The following SULF2 variants were observed in gnomAD, a reference collection of about 807,000 sequenced individuals.
The protein encoded by SULF2 is extracellular sulfatase Sulf-2.
In SULF2, 52 loss-of-function variants were observed where a neutral mutation model predicts 107.7. That is an observed-to-expected ratio of 0.48 (90% CI 0.39 to 0.61). The LOEUF (loss-of-function observed/expected upper bound fraction) is 0.61, where lower values mean the gene tolerates loss of function less well. Ranked by LOEUF, SULF2 falls within the 20% of genes least tolerant of loss-of-function variation. The probability of loss-of-function intolerance (pLI) is 0.00; values close to 1 mark genes in which losing one functional copy is unlikely to be tolerated. For synonymous variants in SULF2, 460 were observed against 464.3 expected, an observed-to-expected ratio of 0.99 and a Z score of 0.12; for missense variants, 993 against 1,177.3, an observed-to-expected ratio of 0.84 and a Z score of 2.29.
At chr20:47,786,310 G>A (rs534123640), upstream of SULF2, 1 of 152,342 alleles carries the variant, frequency 6.6e-6, no homozygotes, top group East Asian at 1.9e-4. Flanking sequence ...GAGCTGGAGG[G>A]AGCCAAATGT....
At chr20:47,686,273 T>G (rs1471594734) in intron 5 of SULF2, 1 of 152,210 alleles carries the variant, frequency 6.6e-6, no homozygotes, top group Non-Finnish European at 1.5e-5. Flanking sequence ...GGTTAGTCAA[T>G]GGGAGATTAA....
At chr20:47,718,717 TGAG>T (rs905075657) in intron 3 of SULF2, among the ~76,000 whole-genome samples, 5 of 151,966 alleles carry the variant, frequency 3.3e-5, no homozygotes, top group African/African-American at 1.2e-4. Flanking sequence ...GTCCAAGCAA[TGAG>T]GAGGACAGAT....
intron 1 of SULF2, among the ~76,000 whole-genome samples, chr20:47,770,569 T>C (rs1454669497): frequency 6.6e-6 from 1 of 152,200 alleles, no homozygotes; most frequent in African/African-American, 2.4e-5. Flanking sequence ...TTACTAATAC[T>C]GTGTAACAAT....
intron 3 of SULF2, among the ~76,000 whole-genome samples, chr20:47,704,418 G>A (rs1049034712): frequency 6.6e-6 from 1 of 151,954 alleles, no homozygotes; most frequent in Non-Finnish European, 1.5e-5. Context: ...GACTACAGGC[G>A]CATGCCACCA....
At chr20:47,768,370 G>A (rs1441497733) in intron 1 of SULF2, among the ~76,000 whole-genome samples, 1 of 152,200 alleles carries the variant, frequency 6.6e-6, no homozygotes, top group Non-Finnish European at 1.5e-5. Context: ...TTCTTTGTAG[G>A]TCAGTTTCCC....
chr20:47,696,542 T>C (rs2088385368), intron 4 of SULF2, among the ~76,000 whole-genome samples: 1 of 152,222 alleles, frequency 6.6e-6, no homozygotes. Context: ...TTCATTTATC[T>C]ATCTGACAAA....
intron 3 of SULF2, among the ~76,000 whole-genome samples, chr20:47,717,502 G>T (rs1255968302): frequency 6.6e-6 from 1 of 152,182 alleles, no homozygotes; most frequent in Non-Finnish European, 1.5e-5. Flanking sequence ...ACAGCAGAGG[G>T]ACTGCCCCAT....
chr20:47,726,008 G>C (rs1479540873), intron 3 of SULF2, among the ~76,000 whole-genome samples: 4 of 152,162 alleles, frequency 2.6e-5, no homozygotes, highest in South Asian at 2.1e-4. Context: ...AGGAAGGTTT[G>C]GGAAGACAGA....
chr20:47,729,450 A>G (rs886284737), intron 3 of SULF2, among the ~76,000 whole-genome samples: 1 of 152,256 alleles, frequency 6.6e-6, no homozygotes, highest in East Asian at 1.9e-4. Context: ...GGGGGATCCC[A>G]GGAGAAACCT....
intron 3 of SULF2, among the ~76,000 whole-genome samples, chr20:47,711,514 C>T (rs368990979): frequency 7.5e-4 from 114 of 152,332 alleles, no homozygotes; most frequent in African/African-American, 2.7e-3. Context: ...CTCTCCCCCA[C>T]GACGGGCCAT....
chr20:47,676,959 G>C, intron 9 of SULF2, 119 bp downstream of exon 9: 1 of 1,127,702 alleles, frequency 8.9e-7, no homozygotes, highest in Non-Finnish European at 1.3e-6. Context: ...AGGGGCCTTT[G>C]GACCAACTTC....
Position 47,690,187 on chromosome 20 carries a change from G to T in SULF2, c.676C>A (p.His226Asn). The T allele has an allele frequency of 1.9e-6, 3 of 1,568,764 alleles. No homozygotes were observed. Among genetic ancestry groups the T allele is most frequent in the Non-Finnish European group, 1.7e-6 (2 of 1,154,090 alleles). ...VLMVISHAAP[H>N]GPEDSAPQYS... ...TGTGGGGCTGAATCCTCAGGGCCGT[G>T]GGGGGCTGCATGGCTGATGACCATG... Residue 226 changes from histidine (H) to asparagine (N), a missense_variant, in exon 5 of 21, where the codon CAC (histidine) becomes AAC (asparagine). His to Asn is a moderately conservative substitution (Grantham distance 68). Transcript: ENST00000688720.
intron 2 of SULF2, among the ~76,000 whole-genome samples, chr20:47,741,547 C>T (rs1370516988): frequency 6.6e-6 from 1 of 152,186 alleles, no homozygotes; most frequent in Non-Finnish European, 1.5e-5. Flanking sequence ...TCTACTGATC[C>T]CGTTTGCTGT....
intron 1 of SULF2, among the ~76,000 whole-genome samples, chr20:47,768,579 G>A (rs924954294): frequency 1.1e-4 from 17 of 152,388 alleles, no homozygotes; most frequent in African/African-American, 4.1e-4. Flanking sequence ...GCCCACGCTA[G>A]GCCTCCTTGG....
intron 5 of SULF2, among the ~76,000 whole-genome samples, chr20:47,689,151 G>A (rs539623598): frequency 5.6e-4 from 85 of 152,280 alleles, no homozygotes; most frequent in Non-Finnish European, 1.1e-3. Flanking sequence ...TTACCTCTCT[G>A]TGCCTCAGTT....
chr20:47,680,740 C>CA lies in SULF2; in HGVS notation c.1065-1937_1065-1936insT, dbSNP rs2087798225. On this transcript the variant is annotated intron_variant, in intron 7 of 20. Coordinates refer to ENST00000688720, the MANE Select transcript of SULF2 (RefSeq NM_001387048.1). The surrounding 1 kb of genome is among the most constrained non-coding windows in gnomAD (Gnocchi z 4.2). ...CGAGGGAGCTGGGAAGACTGCTGAG[C>CA]GACGGGCGCTCTGCAGAACCCAGCA... is the stretch of plus-strand genomic sequence containing the variant. Among the ~76,000 whole-genome samples the CA allele has an allele frequency of 1.3e-5, 2 of 152,210 alleles. No homozygotes were observed. Among genetic ancestry groups the CA allele is most frequent in the South Asian group, 4.1e-4 (2 of 4,828 alleles).
intron 3 of SULF2, among the ~76,000 whole-genome samples, chr20:47,726,199 A>G (rs1377634487): frequency 6.6e-6 from 1 of 152,046 alleles, no homozygotes; most frequent in Non-Finnish European, 1.5e-5. Flanking sequence ...TTGTTTGATT[A>G]GGCTTTATTC....
At chr20:47,769,332 G>A (rs1039391668) in intron 1 of SULF2, among the ~76,000 whole-genome samples, 18 of 150,442 alleles carry the variant, frequency 1.2e-4, no homozygotes, top group Non-Finnish European at 1.9e-4. Flanking sequence ...GAGCCACCGC[G>A]CCCGGCCACA....
chr20:47,785,638 G>GCCGCGCTGCC (rs2090918739), upstream of SULF2: 2 of 146,608 alleles, frequency 1.4e-5, no homozygotes, highest in Admixed American at 6.8e-5. Flanking sequence ...AGCCCGGCCG[G>GCCGCGCTGCC]CCACGCTGCC....
Sources: allele counts gnomAD v4.1 joint callset (sites outside exome capture counted in the v4.1 genomes callset), GRCh38; gene constraint gnomAD v4.1.1; non-coding constraint Gnocchi (gnomAD v3.1); transcripts MANE v1.5; gene names NCBI Gene and HGNC (gene_info 2026-07-23, HGNC 2026-07-21).